SEL1L: variants seen among roughly 807,000 people sequenced by gnomAD.
SEL1L encodes the protein SEL1L adaptor subunit of SYVN1 ubiquitin ligase, also known as protein sel-1 homolog 1.
Under a neutral mutation model 109.8 loss-of-function variants are expected in SEL1L, and 52 were observed. The observed-to-expected ratio is 0.47, with a 90% confidence interval of 0.38 to 0.60. The LOEUF is 0.60. SEL1L is among the 20% of genes least tolerant of loss of function. The pLI is 0.00. For synonymous variants in SEL1L, 373 were observed against 339.6 expected, an observed-to-expected ratio of 1.10 and a Z score of -1.08; for missense variants, 749 against 962.2, an observed-to-expected ratio of 0.78 and a Z score of 2.93.
rs1298575862 is a variant in SEL1L at position 81,495,151 on chromosome 14, C to A, written c.1129-14G>T. The A allele has an allele frequency of 6.2e-7, 1 of 1,613,346 alleles. No homozygotes were observed. Among genetic ancestry groups the A allele is most frequent in the Admixed American group, 1.7e-5 (1 of 59,974 alleles). On this transcript the variant is annotated splice_polypyrimidine_tract_variant and intron_variant, in intron 10 of 20. Transcript: ENST00000336735. The stretch of plus-strand genomic sequence containing the variant: ...TCCAAGACCAACCTGAAAATGATCA[C>A]AAACAAGGCAAAAGTAAGTGGTACC...
chr14:81,477,899 C>T (rs1903220835), intron 20 of SEL1L, among the ~76,000 whole-genome samples: 2 of 152,170 alleles, frequency 1.3e-5, no homozygotes, highest in African/African-American at 2.4e-5. Flanking sequence ...TGACAGCACA[C>T]CAGCTGGAAA....
intron 6 of SEL1L, among the ~76,000 whole-genome samples, chr14:81,501,147 C>G (rs948591280): frequency 3.9e-5 from 6 of 152,166 alleles, no homozygotes; most frequent in Non-Finnish European, 8.8e-5. Context: ...ATCAGTGTAG[C>G]TACATAATAG....
chr14:81,477,754 G>A (rs1376073260), intron 20 of SEL1L, among the ~76,000 whole-genome samples: 3 of 152,116 alleles, frequency 2.0e-5, no homozygotes, highest in African/African-American at 7.2e-5. Flanking sequence ...TGGAGGTTGC[G>A]GTGAGCCGAG....
rs1403840661 is a variant in SEL1L at position 81,499,508 on chromosome 14, T to C, written c.842A>G (p.Tyr281Cys). ...VNSSQAKALV[Y>C]YTFGALGGNL... ...GCCCCCAAGAGCTCCAAATGTATAA[T>C]ATACAAGAGCCTGTGAAAGAACAAA... The change falls in exon 8 of 21, where the codon TAT becomes TGT. Residue 281 changes from tyrosine to cysteine, a missense_variant. This residue lies in a region of SEL1L where 366 missense variants were observed against 399.8 expected (regional missense o/e 0.92). Coordinates refer to ENST00000336735, the MANE Select transcript of SEL1L (RefSeq NM_005065.6). 2 of 1,611,904 alleles carry C rather than the reference T, an allele frequency of 1.2e-6. No homozygotes were observed. Among genetic ancestry groups the C allele is most frequent in the South Asian group, 1.1e-5 (1 of 90,452 alleles).
At chr14:81,488,404 T>C (rs1006428741) in intron 14 of SEL1L, among the ~76,000 whole-genome samples, 10 of 152,244 alleles carry the variant, frequency 6.6e-5, no homozygotes, top group African/African-American at 2.4e-4. Flanking sequence ...AGGTTACTAC[T>C]GAATTTTAGT....
chr14:81,481,837 C>T (rs1367349676), intron 19 of SEL1L, among the ~76,000 whole-genome samples: 1 of 151,992 alleles, frequency 6.6e-6, no homozygotes, highest in East Asian at 1.9e-4. Context: ...TCAAGACCAG[C>T]CTGGCCAAGA....
At chr14:81,514,226 GTAGCAGGCCT>G (rs1182096014) in intron 3 of SEL1L, among the ~76,000 whole-genome samples, 1 of 152,200 alleles carries the variant, frequency 6.6e-6, no homozygotes, top group Non-Finnish European at 1.5e-5. Flanking sequence ...CCTCCTCAGG[GTAGCAGGCCT>G]AACAAAAGCT....
At position 81,476,229 on chromosome 14, in the gene SEL1L, G is replaced by A. The variant is rs142976322; in HGVS notation, c.*743C>T. ...ATTACAGAGTAGGTGGGGCAAACTC[G>A]CGTTAGTGCAAGGAGTCAGTTCACA... is the stretch of plus-strand genomic sequence containing the variant. On this transcript the variant is annotated 3_prime_UTR_variant, in exon 21 of 21. Coordinates refer to ENST00000336735, the MANE Select transcript of SEL1L (RefSeq NM_005065.6). 5 of 152,240 alleles carry A rather than the reference G, an allele frequency of 3.3e-5. No homozygotes were observed. The highest frequency in any genetic ancestry group is 4.1e-4 in the South Asian group (2 of 4,824). 9.4% of individuals were successfully genotyped at this position (152,240 alleles called of 1,614,324 possible).
chr14:81,479,032 C>G (rs1903259955), intron 20 of SEL1L, among the ~76,000 whole-genome samples: 1 of 152,094 alleles, frequency 6.6e-6, no homozygotes, highest in African/African-American at 2.4e-5. Flanking sequence ...GCTGGCAGAA[C>G]CCAAGAGTAC....
chr14:81,482,416 T>C (rs1903387646), intron 19 of SEL1L, among the ~76,000 whole-genome samples: 1 of 152,156 alleles, frequency 6.6e-6, no homozygotes, highest in African/African-American at 2.4e-5. Context: ...CAGGGGCTCA[T>C]ACCTGCAATC....
intron 14 of SEL1L, chr14:81,489,029 C>A: frequency 1.8e-6 from 1 of 555,018 alleles, no homozygotes; most frequent in Non-Finnish European, 3.2e-6. Flanking sequence ...CAACTCCATA[C>A]CTCTGGGAGA....
In SEL1L at chr14:81,478,228, G is replaced by GA. The variant is rs1041842461; in HGVS notation, c.2176-1048dup. On this transcript the variant is annotated intron_variant, in intron 20 of 20. Coordinates refer to ENST00000336735, the MANE Select transcript of SEL1L (RefSeq NM_005065.6). Reference sequence around the variant, plus strand: ...TAGGTACAGGTGCTAAATTTTTCTGGAAAAAAAATGACAAGAAACCACTAA... The same window carrying GA: ...TAGGTACAGGTGCTAAATTTTTCTGGAAAAAAAAATGACAAGAAACCACTAA... Among the ~76,000 whole-genome samples the GA allele has an allele frequency of 8.1e-4, 123 of 151,780 alleles. 1 individual carries two copies. Among genetic ancestry groups the GA allele is most frequent in the Admixed American group, 2.6e-4 (4 of 15,234 alleles).
intron 3 of SEL1L, among the ~76,000 whole-genome samples, chr14:81,509,587 T>C (rs970555836): frequency 2.0e-5 from 3 of 152,192 alleles, no homozygotes; most frequent in Non-Finnish European, 4.4e-5. Flanking sequence ...CTTCAACTAG[T>C]AGAAATCTGC....
chr14:81,526,301 C>G (rs1271719644), intron 3 of SEL1L, among the ~76,000 whole-genome samples: 1 of 152,132 alleles, frequency 6.6e-6, no homozygotes, highest in Non-Finnish European at 1.5e-5. Flanking sequence ...ACACCTAAAT[C>G]AAATTACCTA....
At chr14:81,532,306 C>T (rs2140070368) in intron 1 of SEL1L, among the ~76,000 whole-genome samples, 1 of 152,288 alleles carries the variant, frequency 6.6e-6, no homozygotes, top group South Asian at 2.1e-4. Flanking sequence ...CTGAGCTGTT[C>T]CAGACCTAAA....
At chr14:81,506,946 T>C (rs756927570) in intron 3 of SEL1L, among the ~76,000 whole-genome samples, 4 of 152,204 alleles carry the variant, frequency 2.6e-5, no homozygotes, top group Non-Finnish European at 4.4e-5. Flanking sequence ...AAATGTGTGA[T>C]GGATGCTATG....
At chr14:81,500,354 C>T (rs1362263092) in intron 6 of SEL1L, among the ~76,000 whole-genome samples, 1 of 152,146 alleles carries the variant, frequency 6.6e-6, no homozygotes, top group Admixed American at 6.5e-5. Context: ...CTGCCTCAGC[C>T]TCCCGAGTAG....
chr14:81,526,843 T>A lies in SEL1L; in HGVS notation c.230A>T (p.Asp77Val), dbSNP rs201655849. 5.6e-5 allele frequency: 89 copies of A among 1,602,610 alleles called. No individual in the cohort carries two copies. Among genetic ancestry groups the A allele is most frequent in the Non-Finnish European group, 7.2e-5 (85 of 1,176,298 alleles). The change falls in exon 3 of 21, where the codon GAC (aspartate) becomes GTC (valine). Residue 77 changes from aspartate (D) to valine (V), a missense_variant. Physicochemically the swap from Asp to Val is radical, Grantham distance 152. Around this residue, in one of 2 missense-constraint regions of SEL1L, gnomAD observed 366 missense variants for 399.8 expected, o/e 0.92. Coordinates refer to ENST00000336735, the MANE Select transcript of SEL1L (RefSeq NM_005065.6). ...ELESSIQEEE[D>V]SLKSQEGESV... is the part of the protein sequence containing the mutation. Reference sequence around the variant, plus strand: ...TTCCCCCTCTTGGCTCTTGAGGCTGTCTTCCTCTTCTTGAATAGAGGATTC... The same window carrying A: ...TTCCCCCTCTTGGCTCTTGAGGCTGACTTCCTCTTCTTGAATAGAGGATTC...
Position 81,490,593 on chromosome 14 carries a change from C to G in SEL1L, c.1255-128G>C, listed in dbSNP as rs73344169. 613 of 725,444 alleles carry G rather than the reference C, an allele frequency of 8.5e-4. 3 individuals are homozygous for G. In the African/African-American group the frequency reaches 9.4e-3, roughly 11 times the overall value. 44.9% of individuals were successfully genotyped at this position (725,444 alleles called of 1,614,324 possible). Reference sequence around the variant, plus strand: ...TTTCCAAAAAATTTAGAATTCCCCACAGGATATTTTAGAATTAAAAGCAAA... The same window carrying G: ...TTTCCAAAAAATTTAGAATTCCCCAGAGGATATTTTAGAATTAAAAGCAAA... On this transcript the variant is annotated intron_variant, in intron 12 of 20. Coordinates refer to ENST00000336735, the MANE Select transcript of SEL1L (RefSeq NM_005065.6).
Sources: allele counts gnomAD v4.1 joint callset (sites outside exome capture counted in the v4.1 genomes callset), GRCh38; gene constraint gnomAD v4.1.1; regional missense constraint gnomAD v4.1.1; transcripts MANE v1.5; gene names NCBI Gene and HGNC (gene_info 2026-07-23, HGNC 2026-07-21).